Variants in SS18L2 observed in about 807,000 individuals in gnomAD.
SS18L2 encodes the protein SS18-like protein 2.
A neutral mutation model predicts 10.3 loss-of-function variants in SS18L2; 8 were observed. The ratio of observed to expected loss-of-function variants is 0.78; its 90% CI spans 0.46 to 1.41. SS18L2 has a LOEUF of 1.41. Ranked by LOEUF, SS18L2 falls within the 40% of genes most tolerant of loss-of-function variation. The pLI is 0.00. For synonymous variants in SS18L2, 41 were observed against 34.6 expected (o/e 1.19, Z -0.65); for missense variants, 100 against 96.2 (o/e 1.04, Z -0.17).
At chr3:42,587,932 G>C (rs1000655698), upstream of SS18L2, among the ~76,000 whole-genome samples, 1 of 151,890 alleles carries the variant, frequency 6.6e-6, no homozygotes, top group Non-Finnish European at 1.5e-5. Context: ...AATTAGCTGG[G>C]CGTGGTGGTG....
In SS18L2 at chr3:42,595,450, TA is replaced by T. The variant is rs1422112743; in HGVS notation, c.*942del. On this transcript the variant is annotated 3_prime_UTR_variant, in exon 3 of 3. Transcript: ENST00000011691. ...AGGCTCATGCAGACTCATGTTCTAA[TA>T]TTTTTAGCAGGAATATATTAGAAGG... 3.3e-5 allele frequency among the ~76,000 whole-genome samples: 5 copies of T among 152,390 alleles called. No homozygotes were observed. The East Asian group carries it at 9.6e-4, about 29-fold the overall frequency.
At chr3:42,590,661 A>C (rs907025893), upstream of SS18L2, 2 of 597,052 alleles carry the variant, frequency 3.3e-6, no homozygotes, top group East Asian at 2.8e-5. Context: ...CCCAGCCCCA[A>C]CCCACAAGTT....
intron 1 of SS18L2, among the ~76,000 whole-genome samples, chr3:42,583,777 C>T (rs1016026316): frequency 6.6e-6 from 1 of 152,150 alleles, no homozygotes; most frequent in African/African-American, 2.4e-5. Context: ...GGAGTTGGGA[C>T]ACCCCTCTTC....
At chr3:42,590,706 A>G, upstream of SS18L2, 1 of 655,366 alleles carries the variant, frequency 1.5e-6, no homozygotes, top group Non-Finnish European at 2.7e-6. Flanking sequence ...AAAGGATACG[A>G]AAACGCCCCC....
At chr3:42,590,850 A>G (rs1461587112), upstream of SS18L2, 1 of 1,590,728 alleles carries the variant, frequency 6.3e-7, no homozygotes, top group Non-Finnish European at 8.6e-7. Flanking sequence ...GGCCCCACCT[A>G]TCGTGGGTCG....
chr3:42,586,838 C>T (rs1225639754), upstream of SS18L2, among the ~76,000 whole-genome samples: 1 of 152,196 alleles, frequency 6.6e-6, no homozygotes, highest in East Asian at 1.9e-4. Context: ...GCCTCAACAT[C>T]GTTTGACATC....
intron 2 of SS18L2, among the ~76,000 whole-genome samples, chr3:42,592,846 T>C (rs1267273349): frequency 6.6e-6 from 1 of 152,178 alleles, no homozygotes; most frequent in East Asian, 1.9e-4. Context: ...GTCTGATTTA[T>C]TTTTTTGGGT....
Position 42,596,162 on chromosome 3 carries a change from C to T in SS18L2, c.*1653C>T, listed in dbSNP as rs987915457. ...TCAGCCTCCCAAGTAGCTGGGATTA[C>T]AGGCATGTGGCACCATGCCTGGCTA... is the stretch of plus-strand genomic sequence containing the variant. On this transcript the variant is annotated 3_prime_UTR_variant, in exon 3 of 3. Coordinates refer to ENST00000011691, the MANE Select transcript of SS18L2 (RefSeq NM_001370300.1). Among the ~76,000 whole-genome samples the T allele has an allele frequency of 1.3e-5, 2 of 152,038 alleles. No homozygotes were observed. Among genetic ancestry groups the T allele is most frequent in the Non-Finnish European group, 2.9e-5 (2 of 68,008 alleles).
In SS18L2 at chr3:42,594,577, C is replaced by A. The variant is rs1289152333; in HGVS notation, c.*68C>A. 10 of 1,361,556 alleles carry A rather than the reference C, an allele frequency of 7.3e-6. No homozygotes were observed. The highest frequency in any genetic ancestry group is 1.0e-5 in the Non-Finnish European group (10 of 959,882). 84.3% of individuals were successfully genotyped at this position (1,361,556 alleles called of 1,614,324 possible). ...AGGAGTAATTGAATGTAATCCATCTCTTACAAAATGGAGACAGGGTCTTTA... is the reference window on the plus strand; with the variant it reads ...AGGAGTAATTGAATGTAATCCATCTATTACAAAATGGAGACAGGGTCTTTA... On this transcript the variant is annotated 3_prime_UTR_variant, in exon 3 of 3. Transcript: ENST00000011691.
At chr3:42,587,722 C>G (rs1263171187), upstream of SS18L2, among the ~76,000 whole-genome samples, 1 of 142,574 alleles carries the variant, frequency 7.0e-6, no homozygotes, top group Admixed American at 6.9e-5. Context: ...GGCGACAGAG[C>G]GAGACTCCGT....
upstream of SS18L2, chr3:42,590,751 A>G (rs868820227): frequency 5.6e-5 from 47 of 843,760 alleles, 1 homozygote; most frequent in South Asian, 5.7e-4. Flanking sequence ...GAAAGCGCTG[A>G]GTATAGCTCT....
At chr3:42,591,197 TCTC>T (rs1704822537) in intron 1 of SS18L2, 1 of 560,972 alleles carries the variant, frequency 1.8e-6, no homozygotes, top group Non-Finnish European at 3.1e-6. Flanking sequence ...TAACCCTTTC[TCTC>T]CTTTTTTTTT....
chr3:42,586,911 C>G (rs1037926598), upstream of SS18L2, among the ~76,000 whole-genome samples: 5 of 152,198 alleles, frequency 3.3e-5, no homozygotes, highest in Non-Finnish European at 5.9e-5. Context: ...AGCATCTCCC[C>G]CACTGTTCCC....
upstream of SS18L2, among the ~76,000 whole-genome samples, chr3:42,590,367 G>A (rs1704776723): frequency 6.6e-6 from 1 of 152,140 alleles, no homozygotes; most frequent in Non-Finnish European, 1.5e-5. Context: ...CAGATAGATT[G>A]AGTATGCACA....
intron 1 of SS18L2, among the ~76,000 whole-genome samples, chr3:42,585,548 T>A (rs1162926653): frequency 6.6e-6 from 1 of 152,250 alleles, no homozygotes; most frequent in Non-Finnish European, 1.5e-5. Context: ...CCCTCTACTT[T>A]GTTTTATTTA....
At chr3:42,586,631 T>G (rs528513274), upstream of SS18L2, among the ~76,000 whole-genome samples, 1 of 151,556 alleles carries the variant, frequency 6.6e-6, no homozygotes, top group South Asian at 2.1e-4. Flanking sequence ...GGTTTTCCTC[T>G]TCCTATATCT....
At chr3:42,584,872 A>G (rs1435129560) in intron 1 of SS18L2, among the ~76,000 whole-genome samples, 3 of 152,110 alleles carry the variant, frequency 2.0e-5, no homozygotes, top group African/African-American at 7.2e-5. Context: ...GTGGTGGCTC[A>G]CACCTATAAT....
chr3:42,590,778 A>T, upstream of SS18L2: 1 of 1,037,794 alleles, frequency 9.6e-7, no homozygotes, highest in Non-Finnish European at 1.5e-6. Context: ...TCCAGTCACA[A>T]ATGACGTCCC....
At chr3:42,591,038 G>A in intron 1 of SS18L2, 72 bp downstream of exon 1, 2 of 1,495,576 alleles carry the variant, frequency 1.3e-6, no homozygotes, top group Non-Finnish European at 1.8e-6. Flanking sequence ...GGTGCGAGAA[G>A]CATCCTGTAG....
Sources: allele counts gnomAD v4.1 joint callset (sites outside exome capture counted in the v4.1 genomes callset), GRCh38; gene constraint gnomAD v4.1.1; transcripts MANE v1.5; gene names NCBI Gene and HGNC (gene_info 2026-07-23, HGNC 2026-07-21).